Variants in NRTN observed in about 807,000 individuals in gnomAD.
The protein encoded by NRTN is neurturin.
Under a neutral mutation model 7.5 loss-of-function variants are expected in NRTN, and 3 were observed. That is an observed-to-expected ratio of 0.40 (90% CI 0.18 to 1.03). The LOEUF is 1.03. Among genes scored for constraint, NRTN ranks in the 50% least tolerant of loss-of-function variants. NRTN has a pLI of 0.34. For missense variants in NRTN, 310 were observed against 307.0 expected (o/e 1.01, Z -0.07); for synonymous variants, 157 against 146.6 (o/e 1.07, Z -0.51).
chr19:5,812,930 A>T (rs1160209675), intron 1 of NRTN, among the ~76,000 whole-genome samples: 1 of 152,180 alleles, frequency 6.6e-6, no homozygotes, highest in Non-Finnish European at 1.5e-5. Flanking sequence ...GCGTTCACAC[A>T]CACAGGCACT....
At chr19:5,825,551 C>G (rs2057042947) in intron 2 of NRTN, among the ~76,000 whole-genome samples, 1 of 152,252 alleles carries the variant, frequency 6.6e-6, no homozygotes, top group Non-Finnish European at 1.5e-5. Context: ...GGCGTGAAGT[C>G]CTTCCTAGGA....
rs1442878848 is a variant in NRTN, at chr19:5,810,560, G to A, written c.-399+5109G>A. ...AATGTAGAGGAAAGCACTCATCACA[G>A]TGTCTGCCTCTAAATAATGGAATAG... is the stretch of plus-strand genomic sequence containing the variant. On this transcript the variant is annotated intron_variant, in intron 1 of 2. Coordinates refer to ENST00000303212, the MANE Select transcript of NRTN (RefSeq NM_004558.5). Among the ~76,000 whole-genome samples, 3 of 152,226 alleles carry A rather than the reference G, an allele frequency of 2.0e-5. No individual in the cohort carries two copies. The East Asian group carries it at 5.8e-4, about 29-fold the overall frequency.
chr19:5,805,521 G>T (rs2056972671), intron 1 of NRTN, among the ~76,000 whole-genome samples, 70 bp downstream of exon 1: 1 of 151,922 alleles, frequency 6.6e-6, no homozygotes, highest in Admixed American at 6.6e-5. Flanking sequence ...CCCCATGGAC[G>T]GGGCATGGAG....
rs543423282 is a variant in NRTN at position 5,812,171 on chromosome 19, A to AGTTATT, written c.-399+6721_-399+6726dup. On this transcript the variant is annotated intron_variant, in intron 1 of 2. Coordinates refer to ENST00000303212, the MANE Select transcript of NRTN (RefSeq NM_004558.5). ...AGGTGTGAGCCACCGTGCCGGGCCC[A>AGTTATT]GTTATTATTATTATTATTATTATTT... Among the ~76,000 whole-genome samples the AGTTATT allele has an allele frequency of 4.3e-3, 634 of 146,540 alleles. 5 individuals carry two copies. The highest frequency in any genetic ancestry group is 0.016 in the African/African-American group (597 of 37,338).
intron 1 of NRTN, among the ~76,000 whole-genome samples, chr19:5,807,936 A>T (rs138516019): frequency 8.4e-4 from 128 of 152,334 alleles, no homozygotes; most frequent in East Asian, 8.1e-3. Flanking sequence ...TGCAAAAATT[A>T]GCCAGGTGTG....
chr19:5,820,138 C>T (rs1402299223), intron 1 of NRTN, among the ~76,000 whole-genome samples: 12 of 146,626 alleles, frequency 8.2e-5, no homozygotes, highest in Middle Eastern at 3.5e-3. Context: ...TGGTGGCAGA[C>T]GCCTGTAGTC....
chr19:5,821,574 A>T (rs2057024777), intron 1 of NRTN, among the ~76,000 whole-genome samples: 1 of 151,952 alleles, frequency 6.6e-6, no homozygotes, highest in Non-Finnish European at 1.5e-5. Context: ...AAGTGCTGGG[A>T]TTACTACAGG....
intron 1 of NRTN, among the ~76,000 whole-genome samples, chr19:5,822,386 G>A (rs1199943136): frequency 2.6e-5 from 4 of 152,314 alleles, no homozygotes; most frequent in South Asian, 2.1e-4. Flanking sequence ...CTGGCCGGCC[G>A]CCAGGCTCCA....
chr19:5,824,451 G>A, intron 2 of NRTN, 117 bp downstream of exon 2: 3 of 1,325,680 alleles, frequency 2.3e-6, no homozygotes, highest in African/African-American at 1.5e-5. Flanking sequence ...GGGCCAGCCA[G>A]CCCCCTTGCA....
chr19:5,821,664 C>T lies in NRTN; in HGVS notation c.-398-2104C>T, dbSNP rs191593478. Among the ~76,000 whole-genome samples the T allele has an allele frequency of 1.4e-3, 212 of 149,840 alleles. 2 individuals are homozygous for T. Among genetic ancestry groups the T allele is most frequent in the African/African-American group, 5.0e-3 (202 of 40,668 alleles). The stretch of plus-strand genomic sequence containing the variant: ...TCATCATTCAGCAAATGTCTATGAG[C>T]GCCTACTCTGAGCCACTGAACCAGC... On this transcript the variant is annotated intron_variant, in intron 1 of 2. Coordinates refer to ENST00000303212, the MANE Select transcript of NRTN (RefSeq NM_004558.5).
rs1599641506 is a variant in NRTN at position 5,828,143 on chromosome 19, G to A, written c.564G>A (p.Glu188=). Residue 188 remains glutamate, a synonymous_variant, in exon 3 of 3, where the codon GAG becomes GAA. Transcript: ENST00000303212. ...ACAGCCGCTACCACACGGTGCACGA[G>A]CTGTCGGCGCGCGAGTGCGCCTGCG... The part of the protein sequence containing the change: ...DAHSRYHTVH[E]LSARECACV 6.5e-7 allele frequency: 1 copy of A among 1,530,106 alleles called. No individual in the cohort carries two copies. The highest frequency in any genetic ancestry group is 8.7e-7 in the Non-Finnish European group (1 of 1,144,178). 94.8% of individuals were successfully genotyped at this position (1,530,106 alleles called of 1,614,324 possible). A position where few individuals can be genotyped will look rare whatever the true frequency, so the allele number is the denominator to read the frequency against.
chr19:5,819,113 C>T (rs945387944), intron 1 of NRTN, among the ~76,000 whole-genome samples: 8 of 152,174 alleles, frequency 5.3e-5, no homozygotes, highest in African/African-American at 1.7e-4. Flanking sequence ...GTCCGGGGCC[C>T]GGGTAGGTTT....
At chr19:5,809,989 G>A (rs1031606943) in intron 1 of NRTN, among the ~76,000 whole-genome samples, 5 of 151,718 alleles carry the variant, frequency 3.3e-5, no homozygotes, top group African/African-American at 1.2e-4. Context: ...TTTTTGGCCA[G>A]GTGTGGTGGC....
chr19:5,816,447 C>T (rs985046888), intron 1 of NRTN, among the ~76,000 whole-genome samples: 3 of 152,128 alleles, frequency 2.0e-5, no homozygotes, highest in East Asian at 3.9e-4. Flanking sequence ...GGTGCAGTCT[C>T]GGCTCGCTGC....
chr19:5,815,299 G>C (rs114965986), intron 1 of NRTN, among the ~76,000 whole-genome samples: 1 of 152,126 alleles, frequency 6.6e-6, no homozygotes, highest in Non-Finnish European at 1.5e-5. Flanking sequence ...TCATGCTTGA[G>C]TGTGAGTGTG....
chr19:5,813,254 G>A (rs1167959190), intron 1 of NRTN, among the ~76,000 whole-genome samples: 1 of 151,928 alleles, frequency 6.6e-6, no homozygotes, highest in African/African-American at 2.4e-5. Context: ...ACAGATGGAG[G>A]CTGGGCACAG....
intron 2 of NRTN, among the ~76,000 whole-genome samples, chr19:5,827,297 T>G (rs1796049992): frequency 6.8e-6 from 1 of 146,220 alleles, no homozygotes; most frequent in African/African-American, 2.6e-5. Flanking sequence ...GATGCACCAG[T>G]GTCCTGGGGC....
chr19:5,814,104 G>A (rs1390162691), intron 1 of NRTN, among the ~76,000 whole-genome samples: 1 of 152,118 alleles, frequency 6.6e-6, no homozygotes, highest in African/African-American at 2.4e-5. Context: ...ACCCCCACAG[G>A]CAAAAGTGTG....
At chr19:5,808,164 G>C (rs2056979578) in intron 1 of NRTN, among the ~76,000 whole-genome samples, 1 of 152,196 alleles carries the variant, frequency 6.6e-6, no homozygotes, top group South Asian at 2.1e-4. Context: ...CAGTGTTAGG[G>C]TTTAACCTTC....
Sources: allele counts gnomAD v4.1 joint callset (sites outside exome capture counted in the v4.1 genomes callset), GRCh38; gene constraint gnomAD v4.1.1; transcripts MANE v1.5; gene names NCBI Gene and HGNC (gene_info 2026-07-23, HGNC 2026-07-21).